Variants in TCEA2 observed in about 807,000 individuals in gnomAD.
The protein encoded by TCEA2 is transcription elongation factor A protein 2.
A neutral mutation model predicts 40.8 loss-of-function variants in TCEA2; 21 were observed. That is an observed-to-expected ratio of 0.51 (90% CI 0.36 to 0.74). The LOEUF (loss-of-function observed/expected upper bound fraction) is 0.74. Ranked by LOEUF, TCEA2 falls within the 30% of genes least tolerant of loss-of-function variation. TCEA2 has a pLI of 0.00. For synonymous variants in TCEA2, 165 were observed against 162.7 expected, an observed-to-expected ratio of 1.01 and a Z score of -0.11; for missense variants, 326 against 426.5, an observed-to-expected ratio of 0.76 and a Z score of 2.08.
intron 9 of TCEA2, 21 bp downstream of exon 9, chr20:64,071,962 T>G: frequency 6.2e-7 from 1 of 1,613,880 alleles, no homozygotes; most frequent in Non-Finnish European, 8.5e-7. Flanking sequence ...AGGCTCAGGC[T>G]GCCCCTCCCA....
Position 64,070,547 on chromosome 20 carries a change from G to A in TCEA2, c.731G>A (p.Arg244Gln), listed in dbSNP as rs1172458885. The A allele has an allele frequency of 5.6e-6, 9 of 1,613,768 alleles. No individual in the cohort carries two copies. The highest frequency in any genetic ancestry group is 6.8e-6 in the Non-Finnish European group (8 of 1,180,032). The change falls in exon 8 of 10, where the codon CGA becomes CAA. Residue 244 changes from arginine to glutamine, a missense_variant. Physicochemically the swap from Arg to Gln is conservative, Grantham distance 43. Coordinates refer to ENST00000343484, the MANE Select transcript of TCEA2 (RefSeq NM_003195.6). ...IRKAMTKEAI[R>Q]EHQMARTGGT... The stretch of plus-strand genomic sequence containing the variant: ...AAGGCCATGACCAAGGAGGCCATCC[G>A]AGAGCACCAGATGGCCCGCACTGGC...
exon 1 of TCEA2, chr20:64,057,304 G>T (rs1029113883): frequency 6.6e-6 from 1 of 152,288 alleles, no homozygotes; most frequent in Admixed American, 6.5e-5. Flanking sequence ...GGGTTTAACC[G>T]AAACCGAACA....
chr20:64,060,477 T>C (rs370327451), upstream of TCEA2, among the ~76,000 whole-genome samples: 397 of 152,340 alleles, frequency 2.6e-3, 18 homozygotes, highest in South Asian at 0.067. Flanking sequence ...TACAGGACCC[T>C]GACCAGCTCC....
Position 64,068,053 on chromosome 20 carries a change from C to G in TCEA2, c.248C>G (p.Ser83Cys). The G allele has an allele frequency of 6.2e-7, 1 of 1,605,460 alleles. No individual in the cohort carries two copies. Among genetic ancestry groups the G allele is most frequent in the Non-Finnish European group, 8.5e-7 (1 of 1,176,472 alleles). ...IKSWKKLLDA[S>C]DAKARERGRG... ...TCCCCGATCTTTCCTGCAGATGCTTCCGATGCCAAAGCCAGGGAGCGGGGG... is the reference window on the plus strand; with the variant it reads ...TCCCCGATCTTTCCTGCAGATGCTTGCGATGCCAAAGCCAGGGAGCGGGGG... Residue 83 changes from serine (S) to cysteine (C), a missense_variant, in exon 4 of 10, where the codon TCC (serine) becomes TGC (cysteine). By Grantham distance (112) the Ser-to-Cys change is moderately radical. Coordinates refer to ENST00000343484, the MANE Select transcript of TCEA2 (RefSeq NM_003195.6).
intron 4 of TCEA2, among the ~76,000 whole-genome samples, chr20:64,068,403 C>T (rs915375039): frequency 2.0e-5 from 3 of 152,214 alleles, no homozygotes; most frequent in Non-Finnish European, 4.4e-5. Flanking sequence ...CCTGTGGGAG[C>T]CCCCTGGCCT....
chr20:64,071,974 C>A, intron 9 of TCEA2, 33 bp downstream of exon 9: 1 of 1,613,002 alleles, frequency 6.2e-7, no homozygotes, highest in Non-Finnish European at 8.5e-7. Context: ...CCCCTCCCAG[C>A]TCCATTCTCT....
At chr20:64,067,705 T>C (rs528214729) in intron 3 of TCEA2, among the ~76,000 whole-genome samples, 50 of 152,372 alleles carry the variant, frequency 3.3e-4, no homozygotes, top group African/African-American at 1.1e-3. Context: ...AAGAGCCTTC[T>C]TGGGGACATG....
upstream of TCEA2, among the ~76,000 whole-genome samples, chr20:64,059,049 C>T (rs150335358): frequency 1.1e-4 from 17 of 152,148 alleles, 1 homozygote; most frequent in Non-Finnish European, 1.3e-4. Context: ...ACATATTAGC[C>T]GGGTGTGGTG....
rs777011852 is a variant in TCEA2, at chr20:64,067,021, G to C, written c.241+1G>C. 6.2e-7 allele frequency: 1 copy of C among 1,609,916 alleles called. No individual in the cohort carries two copies. The highest frequency in any genetic ancestry group is 2.2e-5 in the East Asian group (1 of 44,578). ...ATCAAGTCCTGGAAGAAGCTCCTGG[G>C]TGCGGCTCAGGCGGTGCCCACTGAG... On this transcript the variant is annotated splice_donor_variant, in intron 3 of 9. Coordinates refer to ENST00000343484, the MANE Select transcript of TCEA2 (RefSeq NM_003195.6). LOFTEE classifies it high-confidence loss of function.
At chr20:64,067,430 T>C (rs2059722139) in intron 3 of TCEA2, among the ~76,000 whole-genome samples, 1 of 152,068 alleles carries the variant, frequency 6.6e-6, no homozygotes, top group Non-Finnish European at 1.5e-5. Context: ...CCACCTCAGC[T>C]ACTCAGAGGG....
chr20:64,062,251 A>C (rs2059580961), upstream of TCEA2, among the ~76,000 whole-genome samples: 1 of 152,146 alleles, frequency 6.6e-6, no homozygotes, highest in African/African-American at 2.4e-5. Flanking sequence ...CAGCATCTGC[A>C]TTACTGGGGA....
chr20:64,066,308 TG>T (rs1212526038), intron 1 of TCEA2, 167 bp from the exon 2 acceptor site: 2 of 702,708 alleles, frequency 2.8e-6, no homozygotes, highest in African/African-American at 1.8e-5. Flanking sequence ...CAGGAACATG[TG>T]GGCAGAGCCC....
In TCEA2 at chr20:64,066,993, C is replaced by T; in HGVS notation, c.214C>T (p.Leu72Phe). The T allele has an allele frequency of 6.2e-7, 1 of 1,613,550 alleles. No homozygotes were observed. Among genetic ancestry groups the T allele is most frequent in the Admixed American group, 1.7e-5 (1 of 59,988 alleles). ...GGAGGTCATTGCACTGGCCAAGTCT[C>T]TCATCAAGTCCTGGAAGAAGCTCCT... ...DEEVIALAKS[L>F]IKSWKKLLDA... Residue 72 changes from leucine to phenylalanine, a missense_variant, in exon 3 of 10, where the codon CTC becomes TTC. Leu to Phe is a conservative substitution (Grantham distance 22, BLOSUM62 0). Transcript: ENST00000343484.
chr20:64,070,585 G>C lies in TCEA2; in HGVS notation c.769G>C (p.Asp257His). 1.2e-6 allele frequency: 2 copies of C among 1,613,440 alleles called. No individual in the cohort carries two copies. The highest frequency in any genetic ancestry group is 1.7e-6 in the Non-Finnish European group (2 of 1,179,798). Reference protein sequence around the residue: ...QMARTGGTQTDLFTCGKCRKK... With the variant: ...QMARTGGTQTHLFTCGKCRKK... ...GGCCCGCACTGGCGGCACGCAGACA[G>C]ACCTGTTCACCTGCGGCAAGTGCAG... is the stretch of plus-strand genomic sequence containing the variant. The change falls in exon 8 of 10, where the codon GAC (aspartate) becomes CAC (histidine). Residue 257 changes from aspartate to histidine, a missense_variant. Transcript: ENST00000343484.
Position 64,069,836 on chromosome 20 carries a change from G to T in TCEA2, c.517+15G>T. 6.2e-7 allele frequency: 1 copy of T among 1,612,426 alleles called. No individual in the cohort carries two copies. Among genetic ancestry groups the T allele is most frequent in the Non-Finnish European group, 8.5e-7 (1 of 1,179,966 alleles). On this transcript the variant is annotated intron_variant, in intron 6 of 9. Transcript: ENST00000343484. ...GATCGAGGAATATATCCTTTGGGTA[G>T]GGGCTGTGGGCCTGGGTTTCTGGTG...
chr20:64,055,736 C>T (rs1039669459), upstream of TCEA2, among the ~76,000 whole-genome samples: 3 of 151,994 alleles, frequency 2.0e-5, no homozygotes, highest in South Asian at 2.1e-4. This position sits in a 1 kb window ranked among gnomAD's most constrained non-coding sequence, Gnocchi z 4.0. Flanking sequence ...CGGGGCTGTG[C>T]GGGGCAGGAG....
chr20:64,060,443 C>G (rs1017443738), upstream of TCEA2, among the ~76,000 whole-genome samples: 2 of 152,240 alleles, frequency 1.3e-5, no homozygotes, highest in African/African-American at 4.8e-5. Context: ...GGTTCCTGCA[C>G]AAGGGCAGTT....
At chr20:64,059,952 T>A (rs1313836624), upstream of TCEA2, among the ~76,000 whole-genome samples, 1 of 152,122 alleles carries the variant, frequency 6.6e-6, no homozygotes, top group Non-Finnish European at 1.5e-5. Flanking sequence ...CACTGCTGGC[T>A]CCTTGATAGT....
chr20:64,062,053 T>C (rs925186844), upstream of TCEA2, among the ~76,000 whole-genome samples: 3 of 152,226 alleles, frequency 2.0e-5, no homozygotes, highest in African/African-American at 7.2e-5. Context: ...TAACTGACCA[T>C]ATTTTCCTTT....
Sources: gnomAD v4.1 joint callset for allele counts (sites outside exome capture counted in the v4.1 genomes callset) on GRCh38, gnomAD v4.1.1 for gene constraint, Gnocchi (gnomAD v3.1) non-coding constraint, MANE v1.5 for transcripts, NCBI Gene and HGNC (gene_info 2026-07-23, HGNC 2026-07-21) for gene names.